ERC2: variants seen among roughly 807,000 people sequenced by gnomAD.
ERC2 encodes the protein ERC protein 2.
ERC2 carries 42 observed loss-of-function variants against 114.8 expected under a neutral mutation model. That is an observed-to-expected ratio of 0.37 (90% CI 0.29 to 0.47). The LOEUF (loss-of-function observed/expected upper bound fraction) is 0.47, where lower values mean the gene tolerates loss of function less well. ERC2 is among the 20% of genes least tolerant of loss of function. The pLI is 0.99. For missense variants in ERC2, 939 were observed against 1,150.7 expected (o/e 0.82, Z 2.66); for synonymous variants, 454 against 425.5 (o/e 1.07, Z -0.82).
chr3:55,544,260 G>A (rs1482394710), intron 17 of ERC2, among the ~76,000 whole-genome samples: 2 of 152,100 alleles, frequency 1.3e-5, no homozygotes, highest in African/African-American at 4.8e-5. Flanking sequence ...CTGCTGCTTG[G>A]GTTGGGCAAG....
chr3:55,771,740 T>C (rs1575553283), intron 14 of ERC2, among the ~76,000 whole-genome samples: 1 of 152,168 alleles, frequency 6.6e-6, no homozygotes, highest in South Asian at 2.1e-4. Flanking sequence ...TAATTAACCC[T>C]GCACACCTGA....
chr3:55,914,263 G>A lies in ERC2; in HGVS notation c.2404-25714C>T, dbSNP rs753522422. On this transcript the variant is annotated intron_variant, in intron 13 of 17. Transcript: ENST00000288221. The stretch of plus-strand genomic sequence containing the variant: ...CTAGTTTCCCACCAACCAGAGCCAC[G>A]CGCTCCCAAACCCTTTCTGTTCTTA... 2.6e-5 allele frequency among the ~76,000 whole-genome samples: 4 copies of A among 152,168 alleles called. No homozygotes were observed. In the East Asian group the frequency reaches 5.8e-4, roughly 22 times the overall value.
intron 6 of ERC2, among the ~76,000 whole-genome samples, chr3:56,091,485 A>G (rs767845261): frequency 1.5e-3 from 224 of 152,292 alleles, no homozygotes; most frequent in Non-Finnish European, 2.3e-3. Flanking sequence ...AAATGGCTAT[A>G]TGATTTGGAA....
intron 13 of ERC2, among the ~76,000 whole-genome samples, chr3:55,949,544 T>C (rs1274990025): frequency 6.7e-6 from 1 of 150,220 alleles, no homozygotes; most frequent in African/African-American, 2.5e-5. Context: ...TGTGCCATGC[T>C]CTATGCAAGG....
intron 16 of ERC2, among the ~76,000 whole-genome samples, chr3:55,693,797 C>G (rs1331310105): frequency 5.9e-5 from 9 of 152,006 alleles, no homozygotes; most frequent in Non-Finnish European, 1.5e-5. Context: ...CCACCTCCAC[C>G]TCCCAGGTTC....
chr3:56,143,001 A>G (rs2080948631), intron 5 of ERC2, among the ~76,000 whole-genome samples: 1 of 152,182 alleles, frequency 6.6e-6, no homozygotes, highest in African/African-American at 2.4e-5. Flanking sequence ...CAGCACATCC[A>G]TGTAACAGCC....
At chr3:56,123,347 G>A (rs2079690219) in intron 6 of ERC2, among the ~76,000 whole-genome samples, 1 of 152,004 alleles carries the variant, frequency 6.6e-6, no homozygotes, top group Non-Finnish European at 1.5e-5. Context: ...TGAGGACACA[G>A]CAAGAAGGTG....
chr3:56,374,407 T>C (rs1172938823), intron 2 of ERC2, among the ~76,000 whole-genome samples: 1 of 152,212 alleles, frequency 6.6e-6, no homozygotes, highest in Non-Finnish European at 1.5e-5. Flanking sequence ...CAGTGTTTGT[T>C]TTTAAACAAT....
At chr3:56,132,056 C>T (rs1289753567) in intron 6 of ERC2, among the ~76,000 whole-genome samples, 1 of 152,166 alleles carries the variant, frequency 6.6e-6, no homozygotes, top group Non-Finnish European at 1.5e-5. Flanking sequence ...TTAAAAAACT[C>T]TTTTGCTCCA....
chr3:56,148,901 T>C (rs1421427529), intron 5 of ERC2, 76 bp downstream of exon 5: 1 of 1,346,714 alleles, frequency 7.4e-7, no homozygotes, highest in Non-Finnish European at 1.0e-6. Flanking sequence ...TATGGAGTAT[T>C]TGGAAAAAGT....
At chr3:55,906,431 CAAA>C (rs368262866) in intron 13 of ERC2, among the ~76,000 whole-genome samples, 1 of 67,950 alleles carries the variant, frequency 1.5e-5, no homozygotes. Context: ...GACTCTGTCT[CAAA>C]AAAAAAAAAA....
chr3:56,447,416 G>C (rs900152949), intron 1 of ERC2, among the ~76,000 whole-genome samples: 2 of 152,242 alleles, frequency 1.3e-5, no homozygotes, highest in African/African-American at 4.8e-5. Context: ...AAGCAGCGGG[G>C]AGGAGAGGAA....
At chr3:55,694,099 T>C (rs758381514) in intron 16 of ERC2, among the ~76,000 whole-genome samples, 12 of 152,184 alleles carry the variant, frequency 7.9e-5, no homozygotes, top group Middle Eastern at 3.2e-3. Flanking sequence ...ACATTTGCAC[T>C]CAAGAATAAG....
chr3:55,834,716 C>G (rs921991701), intron 14 of ERC2, among the ~76,000 whole-genome samples: 14 of 143,474 alleles, frequency 9.8e-5, no homozygotes, highest in Admixed American at 4.1e-4. Flanking sequence ...AAAGCAAGAG[C>G]AAACACATTC....
chr3:55,830,706 G>C (rs2060529472), intron 14 of ERC2, among the ~76,000 whole-genome samples: 1 of 152,192 alleles, frequency 6.6e-6, no homozygotes. Flanking sequence ...AACTTTGGAA[G>C]TCTGAGGTGG....
chr3:55,938,213 T>C (rs2066575201), intron 13 of ERC2, among the ~76,000 whole-genome samples: 2 of 151,978 alleles, frequency 1.3e-5, no homozygotes, highest in South Asian at 4.2e-4. Flanking sequence ...AGATTAAAAC[T>C]TTCATTTCAG....
chr3:56,461,575 C>T (rs1223998203), intron 1 of ERC2, among the ~76,000 whole-genome samples: 3 of 152,202 alleles, frequency 2.0e-5, no homozygotes, highest in Non-Finnish European at 2.9e-5. Flanking sequence ...CTATGGGGAA[C>T]ATTAACAGTC....
At chr3:55,904,218 C>A (rs1401457969) in intron 13 of ERC2, among the ~76,000 whole-genome samples, 1 of 152,138 alleles carries the variant, frequency 6.6e-6, no homozygotes, top group Non-Finnish European at 1.5e-5. Context: ...CATCCAAAAT[C>A]ATTTCTTTAA....
intron 2 of ERC2, among the ~76,000 whole-genome samples, chr3:56,341,179 A>C (rs1480388985): frequency 6.6e-6 from 1 of 152,226 alleles, no homozygotes; most frequent in Non-Finnish European, 1.5e-5. Flanking sequence ...TAAAGGGATG[A>C]GATCTATTAT....
Sources: allele counts gnomAD v4.1 joint callset (sites outside exome capture counted in the v4.1 genomes callset), GRCh38; gene constraint gnomAD v4.1.1; transcripts MANE v1.5; gene names NCBI Gene and HGNC (gene_info 2026-07-23, HGNC 2026-07-21).